Variants in EDIL3 observed in about 807,000 individuals in gnomAD.
EDIL3 encodes EGF-like repeat and discoidin I-like domain-containing protein 3.
In EDIL3, 37 loss-of-function variants were observed where a neutral mutation model predicts 67.4. The observed-to-expected ratio is 0.55, with a 90% CI of 0.42 to 0.72. The LOEUF is 0.72. Among genes scored for constraint, EDIL3 ranks in the 30% least tolerant of loss-of-function variants. The probability of loss-of-function intolerance (pLI) is 0.00; values close to 1 mark genes in which losing one functional copy is unlikely to be tolerated. For missense variants in EDIL3, 527 were observed against 586.3 expected (o/e 0.90, Z 1.04); for synonymous variants, 195 against 196.3 (o/e 0.99, Z 0.05).
chr5:84,066,764 A>C (rs186172507), intron 6 of EDIL3, among the ~76,000 whole-genome samples, 158 bp from the exon 7 acceptor site: 146 of 152,332 alleles, frequency 9.6e-4, no homozygotes, highest in African/African-American at 3.3e-3. Flanking sequence ...GCATATATTA[A>C]ATTTAGCTTC....
chr5:84,378,135 T>G (rs1748004567), intron 1 of EDIL3, among the ~76,000 whole-genome samples: 1 of 152,234 alleles, frequency 6.6e-6, no homozygotes, highest in Non-Finnish European at 1.5e-5. Context: ...AACATTTTAT[T>G]TGACACAACG....
At chr5:84,132,314 ATATATATTT>A (rs1405089969) in intron 5 of EDIL3, among the ~76,000 whole-genome samples, 3 of 90,850 alleles carry the variant, frequency 3.3e-5, no homozygotes, top group Non-Finnish European at 6.2e-5. Flanking sequence ...AATATATATT[ATATATATTT>A]TATATAATAT....
intron 9 of EDIL3, among the ~76,000 whole-genome samples, chr5:84,038,014 G>C (rs1324122473): frequency 1.3e-5 from 1 of 78,102 alleles, no homozygotes; most frequent in Non-Finnish European, 2.0e-5. Context: ...TTTTTTTTGA[G>C]ACAGGGTCTC....
intron 9 of EDIL3, among the ~76,000 whole-genome samples, chr5:84,059,934 A>G (rs1208364101): frequency 6.6e-6 from 1 of 152,186 alleles, no homozygotes; most frequent in East Asian, 1.9e-4. Flanking sequence ...GGTCAGTGGC[A>G]TGATTTCAAT....
At chr5:84,267,549 C>A (rs1745374232) in intron 1 of EDIL3, among the ~76,000 whole-genome samples, 1 of 152,132 alleles carries the variant, frequency 6.6e-6, no homozygotes, top group Non-Finnish European at 1.5e-5. Context: ...ACAAAAGGAA[C>A]CCATCTATGG....
At chr5:84,218,371 G>A (rs968086227) in intron 3 of EDIL3, among the ~76,000 whole-genome samples, 3 of 152,300 alleles carry the variant, frequency 2.0e-5, no homozygotes, top group East Asian at 1.9e-4. Context: ...CAGTTCCTCA[G>A]AAATAAGGCT....
chr5:84,218,149 T>C (rs342415), intron 3 of EDIL3, among the ~76,000 whole-genome samples: 85,137 of 151,888 alleles, frequency 0.56, 24,169 homozygotes, highest in East Asian at 0.71. Context: ...TCACTTTTTT[T>C]CCCCCAAGCT....
chr5:84,173,958 C>A (rs928377504), intron 4 of EDIL3, among the ~76,000 whole-genome samples: 5 of 152,238 alleles, frequency 3.3e-5, no homozygotes, highest in Middle Eastern at 3.4e-3. Context: ...CCTGCCAAAC[C>A]AAAGGTATGG....
At chr5:84,084,307 G>A (rs572959927) in intron 6 of EDIL3, among the ~76,000 whole-genome samples, 21 of 152,110 alleles carry the variant, frequency 1.4e-4, no homozygotes, top group Admixed American at 4.6e-4. Flanking sequence ...CTGATCTAAC[G>A]TTTTCTAACG....
At chr5:84,039,235 G>A (rs1746077437) in intron 9 of EDIL3, among the ~76,000 whole-genome samples, 3 of 151,996 alleles carry the variant, frequency 2.0e-5, no homozygotes, top group Admixed American at 2.0e-4. Context: ...GTCATTCAGG[G>A]GCATTCCTGG....
At chr5:84,137,442 TCTTAG>T in intron 4 of EDIL3, 88 bp from the exon 5 acceptor site, 6 of 1,157,610 alleles carry the variant, frequency 5.2e-6, no homozygotes, top group South Asian at 1.4e-5. Context: ...AATACAAATG[TCTTAG>T]TAATGCTATT....
intron 4 of EDIL3, among the ~76,000 whole-genome samples, chr5:84,155,078 AC>A (rs1363226318): frequency 6.6e-6 from 1 of 151,906 alleles, no homozygotes; most frequent in African/African-American, 2.4e-5. Flanking sequence ...CTCCTTGCTC[AC>A]CTGGGCTTAT....
rs550067507 is a variant in EDIL3, at chr5:84,006,103, T to TAATAATAATAATAATAAC, written c.1138-42744_1138-42743insGTTATTATTATTATTATT. On this transcript the variant is annotated intron_variant, in intron 9 of 10. Coordinates refer to ENST00000296591, the MANE Select transcript of EDIL3 (RefSeq NM_005711.5). ...TTAATAATAATAATAATAATAATAATAATAATAGTAAAATATCTAGGAATA... is the reference window on the plus strand; with the variant it reads ...TTAATAATAATAATAATAATAATAATAATAATAATAATAATAACAATAATAGTAAAATATCTAGGAATA... Among the ~76,000 whole-genome samples, 382 of 149,142 alleles carry TAATAATAATAATAATAAC rather than the reference T, an allele frequency of 2.6e-3. 3 individuals are homozygous for TAATAATAATAATAATAAC. The highest frequency in any genetic ancestry group is 8.7e-3 in the African/African-American group (355 of 40,810).
intron 9 of EDIL3, among the ~76,000 whole-genome samples, chr5:83,990,333 A>G (rs1354936164): frequency 6.6e-6 from 1 of 152,028 alleles, no homozygotes; most frequent in African/African-American, 2.4e-5. Context: ...CTGAAAATAT[A>G]AAAATTAGCT....
chr5:84,097,632 G>A (rs1363332821), intron 6 of EDIL3, among the ~76,000 whole-genome samples: 1 of 151,982 alleles, frequency 6.6e-6, no homozygotes, highest in Non-Finnish European at 1.5e-5. Context: ...GCCTAGTAGT[G>A]GATAGAGTGT....
chr5:84,141,190 C>G (rs1249803545), intron 4 of EDIL3, among the ~76,000 whole-genome samples: 1 of 151,530 alleles, frequency 6.6e-6, no homozygotes, highest in Non-Finnish European at 1.5e-5. Context: ...AAAGTAGCCC[C>G]CATATGAAAT....
In EDIL3 at chr5:84,232,638, C is replaced by T. The variant is rs370458775; in HGVS notation, c.197-2754G>A. Reference sequence around the variant, plus strand: ...TACAAATTAACAGAATTACAGCCAGCAAATACACAACTTTGCAAAGATTTC... The same window carrying T: ...TACAAATTAACAGAATTACAGCCAGTAAATACACAACTTTGCAAAGATTTC... On this transcript the variant is annotated intron_variant, in intron 2 of 10. Coordinates refer to ENST00000296591, the MANE Select transcript of EDIL3 (RefSeq NM_005711.5). Among the ~76,000 whole-genome samples the T allele has an allele frequency of 5.3e-4, 80 of 152,250 alleles. No individual in the cohort carries two copies. In the South Asian group the frequency reaches 0.016, roughly 31 times the overall value.
At chr5:84,279,005 T>TC (rs1745641770) in intron 1 of EDIL3, among the ~76,000 whole-genome samples, 1 of 150,822 alleles carries the variant, frequency 6.6e-6, no homozygotes, top group Non-Finnish European at 1.5e-5. Context: ...CTTGGTAAAA[T>TC]CCTTCTATGC....
intron 1 of EDIL3, among the ~76,000 whole-genome samples, chr5:84,298,451 G>C (rs1433681173): frequency 1.3e-5 from 2 of 152,094 alleles, no homozygotes; most frequent in African/African-American, 4.8e-5. Context: ...ACGGGGAGGG[G>C]AACAACACAC....
Sources: gnomAD v4.1 joint callset for allele counts (sites outside exome capture counted in the v4.1 genomes callset) on GRCh38, gnomAD v4.1.1 for gene constraint, MANE v1.5 for transcripts, NCBI Gene and HGNC (gene_info 2026-07-23, HGNC 2026-07-21) for gene names.